CLEC18B: variants seen among roughly 807,000 people sequenced by gnomAD.
The protein encoded by CLEC18B is mannose receptor-like 2.
In CLEC18B, 5 loss-of-function variants were observed where a neutral mutation model predicts 60.4. The observed-to-expected ratio is 0.08, with a 90% CI of 0.04 to 0.17. The LOEUF (loss-of-function observed/expected upper bound fraction) is 0.17, where lower values mean the gene tolerates loss of function less well. CLEC18B is among the 10% of genes least tolerant of loss of function. The pLI is 1.00. For synonymous variants in CLEC18B, 16 were observed against 221.2 expected, an observed-to-expected ratio of 0.07 and a Z score of 8.23; for missense variants, 26 against 572.8, an observed-to-expected ratio of 0.05 and a Z score of 9.74.
chr16:74,423,853 G>T (rs1180876945), upstream of CLEC18B, among the ~76,000 whole-genome samples: 2 of 152,262 alleles, frequency 1.3e-5, no homozygotes, highest in Non-Finnish European at 2.9e-5. Context: ...CTGAAGCTCA[G>T]TATCCAATGG....
chr16:74,410,107 G>A (rs1299083815), intron 10 of CLEC18B, among the ~76,000 whole-genome samples: 2 of 152,268 alleles, frequency 1.3e-5, no homozygotes, highest in Admixed American at 6.5e-5. Flanking sequence ...CACGTGACCA[G>A]AGGGTTCTTG....
At chr16:74,422,994 A>G (rs1195053445), upstream of CLEC18B, among the ~76,000 whole-genome samples, 1 of 147,528 alleles carries the variant, frequency 6.8e-6, no homozygotes, top group Middle Eastern at 3.2e-3. Flanking sequence ...GGAGCTCACA[A>G]AGCCTGTTTG....
chr16:74,422,796 C>G (rs1378422479), upstream of CLEC18B, among the ~76,000 whole-genome samples: 1 of 152,248 alleles, frequency 6.6e-6, no homozygotes, highest in African/African-American at 2.4e-5. Context: ...TCCCAAGTAG[C>G]TGGGACCAGG....
At chr16:74,411,853 AG>A in intron 7 of CLEC18B, 78 bp from the exon 8 acceptor site, 1 of 1,093,992 alleles carries the variant, frequency 9.1e-7, no homozygotes. Flanking sequence ...AGCTAAGCTC[AG>A]GGTGCCCCTT....
chr16:74,412,981 G>A, intron 5 of CLEC18B, 56 bp downstream of exon 5: 6 of 1,612,110 alleles, frequency 3.7e-6, no homozygotes, highest in African/African-American at 1.3e-5. Flanking sequence ...GGACAGCCCA[G>A]TAGGATGCTA....
At chr16:74,423,681 T>C (rs1190383299), upstream of CLEC18B, among the ~76,000 whole-genome samples, 1 of 144,986 alleles carries the variant, frequency 6.9e-6, no homozygotes, top group Admixed American at 7.1e-5. Context: ...AGAGCGAGAC[T>C]CTGTCCCACC....
intron 3 of CLEC18B, 142 bp downstream of exon 3, chr16:74,417,917 C>CA (rs148521868): frequency 3.8e-3 from 4,395 of 1,170,052 alleles, no homozygotes; most frequent in East Asian, 6.0e-3. Flanking sequence ...GACTCCGTAT[C>CA]AAAAAAAAAA....
chr16:74,414,099 TC>T lies in CLEC18B; in HGVS notation c.457-424del, dbSNP rs1166081054. On this transcript the variant is annotated intron_variant, in intron 3 of 11. Transcript: ENST00000682950. ...CATGTTGGTCAGGCTGGTCTTGAAC[TC>T]CCGACCTCAGGTGAACTGCTTGCCT... Among the ~76,000 whole-genome samples, 4 of 152,424 alleles carry T rather than the reference TC, an allele frequency of 2.6e-5. No individual in the cohort carries two copies. In the East Asian group the frequency reaches 7.7e-4, roughly 29 times the overall value.
chr16:74,413,668 C>T lies in CLEC18B; in HGVS notation c.465G>A (p.Trp155Ter), dbSNP rs374164387. 369 of 1,613,476 alleles carry T rather than the reference C, an allele frequency of 2.3e-4. No homozygotes were observed. Among genetic ancestry groups the T allele is most frequent in the Non-Finnish European group, 8.4e-5 (99 of 1,179,766 alleles). The change falls in exon 4 of 12, where the codon TGG (tryptophan) becomes TGA (stop). Residue 155 changes from tryptophan to a stop codon, truncating the protein, a stop_gained. Transcript: ENST00000682950. LOFTEE classifies it high-confidence loss of function. The stretch of plus-strand genomic sequence containing the variant: ...CACAGCCCAGCTGGCTTGAGGTGGC[C>T]CACACGAGCTACAGGAGACACAGGG... ...ATCTHYTQLV[W>*]ATSSQLGCGR...
intron 3 of CLEC18B, among the ~76,000 whole-genome samples, 192 bp downstream of exon 3, chr16:74,417,867 G>A (rs1418708335): frequency 8.5e-5 from 13 of 152,062 alleles, no homozygotes; most frequent in South Asian, 2.1e-4. Flanking sequence ...GCAGTGAGCC[G>A]AGATCACGCC....
chr16:74,419,295 A>G (rs1443392669), intron 2 of CLEC18B, among the ~76,000 whole-genome samples: 5 of 152,202 alleles, frequency 3.3e-5, no homozygotes, highest in Middle Eastern at 3.4e-3. Flanking sequence ...ATCCTGCACT[A>G]ATGTCCATCG....
At chr16:74,414,391 G>C (rs546669023) in intron 3 of CLEC18B, among the ~76,000 whole-genome samples, 7 of 152,210 alleles carry the variant, frequency 4.6e-5, no homozygotes, top group African/African-American at 1.4e-4. Context: ...CTCTTTCCTT[G>C]CTCCTTGAAT....
chr16:74,410,055 C>A (rs1339627525), intron 10 of CLEC18B, among the ~76,000 whole-genome samples: 1 of 152,278 alleles, frequency 6.6e-6, no homozygotes, highest in East Asian at 1.9e-4. Context: ...CACCTCCACC[C>A]TGGCCCTGGG....
At chr16:74,423,328 G>GA (rs1418780923), upstream of CLEC18B, among the ~76,000 whole-genome samples, 3 of 151,742 alleles carry the variant, frequency 2.0e-5, no homozygotes, top group Non-Finnish European at 4.4e-5. Flanking sequence ...ACAGGCGGGA[G>GA]AAAAAGATAT....
chr16:74,413,849 CTTATTTATTTAT>C (rs3863433), intron 3 of CLEC18B, among the ~76,000 whole-genome samples, 173 bp from the exon 4 acceptor site: 276 of 149,334 alleles, frequency 1.8e-3, no homozygotes, highest in African/African-American at 6.5e-3. Flanking sequence ...TTCAGGAAGG[CTTATTTATTTAT>C]TTATTTATTT....
chr16:74,416,434 G>A lies in CLEC18B; in HGVS notation c.456+1625C>T, dbSNP rs539681581. Among the ~76,000 whole-genome samples the A allele has an allele frequency of 2.6e-4, 39 of 152,242 alleles. No individual in the cohort carries two copies. The South Asian group carries it at 4.0e-3, about 15-fold the overall frequency. On this transcript the variant is annotated intron_variant, in intron 3 of 11. Coordinates refer to ENST00000682950, the MANE Select transcript of CLEC18B (RefSeq NM_001385193.1). ...GCTGCCCAGGCTGGAGTGCAATGGC[G>A]CAGTCTCAGCTCACTGCAATCTTCA...
chr16:74,413,361 G>C (rs540452586), intron 4 of CLEC18B, among the ~76,000 whole-genome samples: 1 of 152,402 alleles, frequency 6.6e-6, no homozygotes, highest in African/African-American at 2.4e-5. Flanking sequence ...CTGATACCAG[G>C]ACCAGTATCC....
At chr16:74,413,848 G>A (rs1414862225) in intron 3 of CLEC18B, among the ~76,000 whole-genome samples, 172 bp from the exon 4 acceptor site, 3 of 86,076 alleles carry the variant, frequency 3.5e-5, no homozygotes, top group Admixed American at 3.3e-4. Flanking sequence ...GTTCAGGAAG[G>A]CTTATTTATT....
chr16:74,422,238 T>G (rs1194435441), upstream of CLEC18B: 2 of 152,678 alleles, frequency 1.3e-5, no homozygotes, highest in Non-Finnish European at 2.9e-5. Flanking sequence ...GGGCCAAGTT[T>G]CTCAGAAAAT....
Sources: gnomAD v4.1 joint callset for allele counts (sites outside exome capture counted in the v4.1 genomes callset) on GRCh38, gnomAD v4.1.1 for gene constraint, MANE v1.5 for transcripts, NCBI Gene and HGNC (gene_info 2026-07-23, HGNC 2026-07-21) for gene names.